The following PPM1L variants were observed in gnomAD, a reference collection of about 807,000 sequenced individuals.
PPM1L encodes protein phosphatase, Mg2+/Mn2+ dependent 1L.
In PPM1L, 13 loss-of-function variants were observed where a neutral mutation model predicts 31.4. That is an observed-to-expected ratio of 0.41 (90% CI 0.27 to 0.66). The LOEUF is 0.66. Ranked by LOEUF, PPM1L falls within the 30% of genes least tolerant of loss-of-function variation. The probability of loss-of-function intolerance (pLI) is 0.29; values close to 1 mark genes in which losing one functional copy is unlikely to be tolerated. For synonymous variants in PPM1L, 184 were observed against 175.4 expected (o/e 1.05, Z -0.39); for missense variants, 326 against 453.7 (o/e 0.72, Z 2.56).
Position 161,073,189 on chromosome 3 carries a change from G to A in PPM1L, c.*4032G>A, listed in dbSNP as rs1719987227. 1 of 152,184 alleles carries A rather than the reference G, an allele frequency of 6.6e-6. No homozygotes were observed. The highest frequency in any genetic ancestry group is 2.1e-4 in the South Asian group (1 of 4,832). The allele number at this position is 152,184 out of a possible 1,614,324, so 9.4% of individuals were successfully genotyped here. ...ACCATCTTAGAAAGTTAGTGAACATGAGCACATCAAAGGCTCTAATTTAAA... is the reference window on the plus strand; with the variant it reads ...ACCATCTTAGAAAGTTAGTGAACATAAGCACATCAAAGGCTCTAATTTAAA... On this transcript the variant is annotated 3_prime_UTR_variant, in exon 4 of 4. Transcript: ENST00000498165.
At chr3:160,927,625 T>C (rs1032067806) in intron 1 of PPM1L, among the ~76,000 whole-genome samples, 6 of 152,006 alleles carry the variant, frequency 3.9e-5, no homozygotes, top group Non-Finnish European at 7.4e-5. Flanking sequence ...TGTGTGTGTG[T>C]GTGCGTGCGT....
At chr3:160,826,126 G>A (rs1036773387) in intron 1 of PPM1L, among the ~76,000 whole-genome samples, 23 of 152,088 alleles carry the variant, frequency 1.5e-4, no homozygotes, top group African/African-American at 5.1e-4. Context: ...CCAGGCCTTG[G>A]CATCACAGTC....
intron 1 of PPM1L, among the ~76,000 whole-genome samples, chr3:160,772,593 A>C (rs1041280585): frequency 6.6e-6 from 1 of 152,192 alleles, no homozygotes; most frequent in African/African-American, 2.4e-5. Context: ...TACATGCTTA[A>C]TATATGCAAT....
intron 1 of PPM1L, among the ~76,000 whole-genome samples, chr3:160,877,856 C>T (rs1712571644): frequency 6.6e-6 from 1 of 152,140 alleles, no homozygotes; most frequent in Non-Finnish European, 1.5e-5. Flanking sequence ...CTGTTGTCTG[C>T]TCCTTACTGT....
intron 1 of PPM1L, among the ~76,000 whole-genome samples, chr3:160,944,865 AATGTT>A (rs1715316602): frequency 9.8e-5 from 4 of 40,984 alleles, no homozygotes; most frequent in African/African-American, 2.9e-4. Flanking sequence ...TATTATATAT[AATGTT>A]ATATATAACA....
At chr3:161,041,188 C>T (rs1260638335) in intron 2 of PPM1L, among the ~76,000 whole-genome samples, 1 of 152,240 alleles carries the variant, frequency 6.6e-6, no homozygotes, top group African/African-American at 2.4e-5. Context: ...ACAAACTCAA[C>T]CAACTGTCAA....
At chr3:160,785,625 TA>T (rs1711886528) in intron 1 of PPM1L, among the ~76,000 whole-genome samples, 1 of 152,192 alleles carries the variant, frequency 6.6e-6, no homozygotes. Flanking sequence ...GCATGTTATG[TA>T]AACTCTTCTG....
intron 1 of PPM1L, among the ~76,000 whole-genome samples, chr3:160,794,249 G>A (rs16831470): frequency 0.053 from 8,046 of 152,058 alleles, 703 homozygotes; most frequent in African/African-American, 0.18. Context: ...TCTGTGTTCT[G>A]GAATGTCAAA....
At chr3:160,937,347 G>A (rs1242398390) in intron 1 of PPM1L, among the ~76,000 whole-genome samples, 5 of 152,072 alleles carry the variant, frequency 3.3e-5, no homozygotes, top group African/African-American at 9.7e-5. Flanking sequence ...GAGGCCAGGC[G>A]TGGTGGCTCA....
intron 2 of PPM1L, among the ~76,000 whole-genome samples, chr3:161,016,422 A>T (rs1718089687): frequency 6.6e-6 from 1 of 152,168 alleles, no homozygotes; most frequent in African/African-American, 2.4e-5. Context: ...TGTCTCTCAG[A>T]TTTCTAAATT....
At chr3:160,760,389 T>C (rs1714936598) in intron 1 of PPM1L, among the ~76,000 whole-genome samples, 1 of 152,216 alleles carries the variant, frequency 6.6e-6, no homozygotes, top group Non-Finnish European at 1.5e-5. Flanking sequence ...CTTTTTATGC[T>C]GAGGACCAGA....
At chr3:161,004,854 G>A (rs1717647828) in intron 2 of PPM1L, among the ~76,000 whole-genome samples, 1 of 152,056 alleles carries the variant, frequency 6.6e-6, no homozygotes, top group Admixed American at 6.6e-5. Context: ...GTTCTGCTCT[G>A]ATTTTAGTCA....
intron 1 of PPM1L, among the ~76,000 whole-genome samples, chr3:160,903,876 T>G (rs1394712644): frequency 6.6e-6 from 1 of 152,178 alleles, no homozygotes; most frequent in African/African-American, 2.4e-5. Context: ...AAATTATATA[T>G]TTATGCTTTT....
At chr3:161,064,156 T>C (rs1488277610) in intron 2 of PPM1L, among the ~76,000 whole-genome samples, 1 of 151,120 alleles carries the variant, frequency 6.6e-6, no homozygotes, top group African/African-American at 2.4e-5. Context: ...CTGCACATTC[T>C]GCACGTGTCC....
At chr3:161,049,298 AC>A (rs1559937089) in intron 2 of PPM1L, among the ~76,000 whole-genome samples, 1 of 151,576 alleles carries the variant, frequency 6.6e-6, no homozygotes, top group Admixed American at 6.6e-5. Flanking sequence ...CCAAACCAAA[AC>A]AAAACAAAAC....
rs981969215 is a variant in PPM1L at position 160,957,879 on chromosome 3, CGTT to C, written c.400-3854_400-3852del. The stretch of plus-strand genomic sequence containing the variant: ...GCGTGAGCCACTGCGGCCGGCCTCT[CGTT>C]GTGTTTTAATTTGCATTTCTCTAAT... On this transcript the variant is annotated intron_variant, in intron 1 of 3. Coordinates refer to ENST00000498165, the MANE Select transcript of PPM1L (RefSeq NM_139245.4). Among the ~76,000 whole-genome samples the C allele has an allele frequency of 3.3e-5, 5 of 151,912 alleles. 1 individual carries two copies. The highest frequency in any genetic ancestry group is 4.1e-4 in the South Asian group (2 of 4,822).
chr3:160,871,317 C>T (rs1332036725), intron 1 of PPM1L, among the ~76,000 whole-genome samples: 3 of 152,050 alleles, frequency 2.0e-5, no homozygotes, highest in African/African-American at 7.2e-5. Flanking sequence ...GTTAAAGGGA[C>T]AGATCTGATG....
Position 160,881,013 on chromosome 3 carries a change from T to C in PPM1L, c.400-80723T>C, listed in dbSNP as rs1019375223. On this transcript the variant is annotated intron_variant, in intron 1 of 3. Transcript: ENST00000498165. Reference sequence around the variant, plus strand: ...CAGTAGATCTTTGATTTTATGGTAATGTTTTAAATGGTTGTATGTGTGATT... The same window carrying C: ...CAGTAGATCTTTGATTTTATGGTAACGTTTTAAATGGTTGTATGTGTGATT... Among the ~76,000 whole-genome samples the C allele has an allele frequency of 7.2e-5, 11 of 152,224 alleles. No homozygotes were observed. In the East Asian group the frequency reaches 2.1e-3, roughly 29 times the overall value.
At position 161,076,529 on chromosome 3, in the gene PPM1L, T is replaced by C. The variant is rs1720103525; in HGVS notation, c.*7372T>C. The C allele has an allele frequency of 6.6e-6, 1 of 152,248 alleles. No individual in the cohort carries two copies. Among genetic ancestry groups the C allele is most frequent in the Admixed American group, 6.5e-5 (1 of 15,288 alleles). 9.4% of individuals were successfully genotyped at this position (152,248 alleles called of 1,614,324 possible). On this transcript the variant is annotated 3_prime_UTR_variant, in exon 4 of 4. Coordinates refer to ENST00000498165, the MANE Select transcript of PPM1L (RefSeq NM_139245.4). Reference sequence around the variant, plus strand: ...AGCAGTGTTTGTTCTTTTTAATTTATTACATGTTCACATTGAAACATTAAC... The same window carrying C: ...AGCAGTGTTTGTTCTTTTTAATTTACTACATGTTCACATTGAAACATTAAC...
Sources: gnomAD v4.1 joint callset for allele counts (sites outside exome capture counted in the v4.1 genomes callset) on GRCh38, gnomAD v4.1.1 for gene constraint, MANE v1.5 for transcripts, NCBI Gene and HGNC (gene_info 2026-07-23, HGNC 2026-07-21) for gene names.